The following LRP1B variants were observed in gnomAD, a reference collection of about 807,000 sequenced individuals.
LRP1B encodes LDL receptor related protein 1B.
In LRP1B, 217 loss-of-function variants were observed where a neutral mutation model predicts 556.6. The ratio of observed to expected loss-of-function variants is 0.39; its 90% confidence interval spans 0.35 to 0.44. LRP1B has a LOEUF of 0.44. LRP1B is among the 20% of genes least tolerant of loss of function. LRP1B has a pLI of 1.00. For missense variants in LRP1B, 5,053 were observed against 5,620.8 expected (o/e 0.90, Z 3.23); for synonymous variants, 2,047 against 1,865.8 (o/e 1.10, Z -2.50).
intron 2 of LRP1B, among the ~76,000 whole-genome samples, chr2:141,603,554 C>T (rs1005743215): frequency 1.3e-5 from 2 of 152,208 alleles, no homozygotes; most frequent in Middle Eastern, 6.8e-3. Context: ...GAATTTAGCA[C>T]ATTTATATCT....
At chr2:141,337,712 G>T (rs1057329752) in intron 3 of LRP1B, among the ~76,000 whole-genome samples, 2 of 152,046 alleles carry the variant, frequency 1.3e-5, no homozygotes, top group African/African-American at 4.8e-5. Context: ...ATATGGTTTT[G>T]GCATTATTGT....
intron 43 of LRP1B, among the ~76,000 whole-genome samples, chr2:140,586,194 A>G (rs1681978071): frequency 6.6e-6 from 1 of 152,224 alleles, no homozygotes; most frequent in African/African-American, 2.4e-5. Flanking sequence ...CTATAAAAGT[A>G]GAGAGAAAAA....
intron 5 of LRP1B, among the ~76,000 whole-genome samples, chr2:141,229,864 A>G (rs796844193): frequency 1.3e-5 from 2 of 152,292 alleles, no homozygotes; most frequent in African/African-American, 4.8e-5. Flanking sequence ...CCGGAGCAGA[A>G]AATGCAAAGC....
chr2:140,916,214 G>T (rs1412669024), intron 21 of LRP1B, among the ~76,000 whole-genome samples: 1 of 151,970 alleles, frequency 6.6e-6, no homozygotes, highest in Non-Finnish European at 1.5e-5. Flanking sequence ...AGAAAAAAAG[G>T]GATGTGTTCA....
intron 3 of LRP1B, among the ~76,000 whole-genome samples, chr2:141,420,761 A>G (rs768576969): frequency 6.6e-6 from 1 of 152,220 alleles, no homozygotes; most frequent in Non-Finnish European, 1.5e-5. Flanking sequence ...CATGTTGGCC[A>G]TACCAAGCTT....
At chr2:140,239,743 T>A (rs918844047) in intron 87 of LRP1B, among the ~76,000 whole-genome samples, 2 of 150,976 alleles carry the variant, frequency 1.3e-5, no homozygotes, top group Non-Finnish European at 3.0e-5. Context: ...TAGATATCTT[T>A]CATTTATGTG....
At chr2:141,946,589 G>A (rs1005808789) in intron 1 of LRP1B, among the ~76,000 whole-genome samples, 6 of 152,128 alleles carry the variant, frequency 3.9e-5, no homozygotes, top group African/African-American at 1.4e-4. Context: ...TGATAGACAA[G>A]GTGTGTGACA....
At position 140,754,999 on chromosome 2, in the gene LRP1B, A is replaced by G. The variant is rs143597588; in HGVS notation, c.5758+14214T>C. On this transcript the variant is annotated intron_variant, in intron 35 of 90. Coordinates refer to ENST00000389484, the MANE Select transcript of LRP1B (RefSeq NM_018557.3). The stretch of plus-strand genomic sequence containing the variant: ...AAATATGAGAGACACCCCTACTGAT[A>G]CAGTAGATACAGAAATAAAAAAAGA... 4.1e-3 allele frequency among the ~76,000 whole-genome samples: 594 copies of G among 144,848 alleles called. 5 individuals are homozygous for G. The highest frequency in any genetic ancestry group is 0.013 in the African/African-American group (509 of 38,884).
intron 1 of LRP1B, among the ~76,000 whole-genome samples, chr2:142,055,976 C>T (rs1394431690): frequency 6.6e-6 from 1 of 152,004 alleles, no homozygotes; most frequent in Admixed American, 6.6e-5. Context: ...CATGGTGAAA[C>T]CCTGTCTCTA....
At chr2:141,191,514 C>A (rs746912078) in intron 6 of LRP1B, among the ~76,000 whole-genome samples, 2 of 151,814 alleles carry the variant, frequency 1.3e-5, no homozygotes, top group Non-Finnish European at 2.9e-5. Flanking sequence ...GTAGAGAAGG[C>A]AGAAACTTTG....
chr2:142,076,634 A>G (rs1387745312), intron 1 of LRP1B, among the ~76,000 whole-genome samples: 2 of 152,106 alleles, frequency 1.3e-5, no homozygotes, highest in Admixed American at 1.3e-4. Context: ...GTTTTTAAAT[A>G]GCTGCTTCTT....
intron 3 of LRP1B, among the ~76,000 whole-genome samples, chr2:141,345,284 C>T (rs1055538969): frequency 2.6e-5 from 4 of 152,122 alleles, no homozygotes; most frequent in African/African-American, 7.2e-5. Context: ...ATCCAACTTC[C>T]ATAATGATAA....
rs1692712181 is a variant in LRP1B at position 140,859,196 on chromosome 2, C to T, written c.4580-7413G>A. ...GTATTTGAGATTCACCTCCACCATG[C>T]TGCAACATGTTTTTGAGGGTATTTC... On this transcript the variant is annotated intron_variant, in intron 27 of 90. Coordinates refer to ENST00000389484, the MANE Select transcript of LRP1B (RefSeq NM_018557.3). 2.0e-5 allele frequency among the ~76,000 whole-genome samples: 3 copies of T among 151,834 alleles called. No individual in the cohort carries two copies. The South Asian group carries it at 6.2e-4, about 32-fold the overall frequency.
At position 140,764,840 on chromosome 2, in the gene LRP1B, A is replaced by T. The variant is rs111633230; in HGVS notation, c.5758+4373T>A. 3.9e-5 allele frequency among the ~76,000 whole-genome samples: 6 copies of T among 152,280 alleles called. No homozygotes were observed. In the South Asian group the frequency reaches 1.2e-3, roughly 32 times the overall value. The stretch of plus-strand genomic sequence containing the variant: ...TTAGGGTTCACTCTTGGTGTTATAC[A>T]TTCTGTGGATTTAGGTAAATGTATA... On this transcript the variant is annotated intron_variant, in intron 35 of 90. Transcript: ENST00000389484.
At chr2:140,301,753 A>G (rs566923044) in intron 83 of LRP1B, among the ~76,000 whole-genome samples, 14 of 151,966 alleles carry the variant, frequency 9.2e-5, no homozygotes, top group African/African-American at 3.4e-4. Flanking sequence ...ATATATATAT[A>G]CACATATATG....
At chr2:141,696,755 T>A (rs1691745091) in intron 2 of LRP1B, among the ~76,000 whole-genome samples, 1 of 151,918 alleles carries the variant, frequency 6.6e-6, no homozygotes, top group Non-Finnish European at 1.5e-5. Flanking sequence ...GAGGGAAGAT[T>A]AAGAAACTAA....
chr2:141,322,068 T>G (rs989587688), intron 3 of LRP1B, among the ~76,000 whole-genome samples: 1 of 152,080 alleles, frequency 6.6e-6, no homozygotes, highest in Non-Finnish European at 1.5e-5. Flanking sequence ...GTGACATTGA[T>G]TATTGATGCT....
intron 9 of LRP1B, among the ~76,000 whole-genome samples, chr2:141,058,043 C>T (rs1233223742): frequency 6.6e-6 from 1 of 151,816 alleles, no homozygotes; most frequent in East Asian, 1.9e-4. Context: ...AAAGGCAAGA[C>T]TATTTTGTCT....
chr2:142,047,351 A>T (rs1704296305), intron 1 of LRP1B, among the ~76,000 whole-genome samples: 1 of 152,014 alleles, frequency 6.6e-6, no homozygotes, highest in Non-Finnish European at 1.5e-5. Flanking sequence ...CTACTATAGA[A>T]GGTAGCAGTC....
Sources: gnomAD v4.1 joint callset for allele counts (sites outside exome capture counted in the v4.1 genomes callset) on GRCh38, gnomAD v4.1.1 for gene constraint, MANE v1.5 for transcripts, NCBI Gene and HGNC (gene_info 2026-07-23, HGNC 2026-07-21) for gene names.